The following NTM variants were observed in gnomAD, a reference collection of about 807,000 sequenced individuals.
The protein encoded by NTM is IgLON family member 2.
In NTM, 13 loss-of-function variants were observed where a neutral mutation model predicts 42.1. The observed-to-expected ratio is 0.31, with a 90% CI of 0.20 to 0.49. The LOEUF (loss-of-function observed/expected upper bound fraction) is 0.49. Among genes scored for constraint, NTM ranks in the 20% least tolerant of loss-of-function variants. The pLI is 0.99. For synonymous variants in NTM, 187 were observed against 179.2 expected (o/e 1.04, Z -0.35); for missense variants, 373 against 452.8 (o/e 0.82, Z 1.60).
intron 1 of NTM, among the ~76,000 whole-genome samples, chr11:131,587,492 A>T (rs538590606): frequency 6.6e-6 from 1 of 152,234 alleles, no homozygotes; most frequent in South Asian, 2.1e-4. Context: ...ACTCTTGACC[A>T]CAAATTATTC....
chr11:131,552,275 T>C (rs2054782140), intron 1 of NTM, among the ~76,000 whole-genome samples: 1 of 152,138 alleles, frequency 6.6e-6, no homozygotes, highest in East Asian at 1.9e-4. Context: ...CACGCACGGC[T>C]GGAGATGGTG....
intron 4 of NTM, among the ~76,000 whole-genome samples, chr11:132,240,604 G>A (rs372715083): frequency 1.1e-4 from 17 of 152,338 alleles, no homozygotes; most frequent in African/African-American, 1.7e-4. Flanking sequence ...GCAGCTGTTC[G>A]CTGGAGACTA....
chr11:131,786,693 T>C (rs1374207035), intron 1 of NTM, among the ~76,000 whole-genome samples: 1 of 152,204 alleles, frequency 6.6e-6, no homozygotes, highest in Admixed American at 6.5e-5. Flanking sequence ...AAAATAGAAC[T>C]AGAAAACATG....
chr11:131,549,617 G>A (rs543735299), intron 1 of NTM, among the ~76,000 whole-genome samples: 11 of 152,064 alleles, frequency 7.2e-5, no homozygotes, highest in Non-Finnish European at 1.2e-4. Context: ...GAACTAGCCC[G>A]CCCAAGCCAC....
chr11:132,072,895 T>G (rs2057886729), intron 2 of NTM, among the ~76,000 whole-genome samples: 1 of 152,160 alleles, frequency 6.6e-6, no homozygotes, highest in Admixed American at 6.5e-5. Context: ...ATAGGGGTTT[T>G]CTCCTGGGAA....
intron 1 of NTM, among the ~76,000 whole-genome samples, chr11:131,805,070 G>A (rs2092402481): frequency 6.6e-6 from 1 of 152,120 alleles, no homozygotes; most frequent in South Asian, 2.1e-4. Flanking sequence ...ATCACTCTCA[G>A]GCATTTTGTT....
intron 1 of NTM, among the ~76,000 whole-genome samples, chr11:131,619,002 G>C (rs1244984848): frequency 2.0e-5 from 3 of 152,186 alleles, no homozygotes; most frequent in Admixed American, 6.5e-5. Context: ...AATATGATGA[G>C]AATGGAAGAA....
chr11:131,490,810 G>A (rs1565557646), intron 1 of NTM, among the ~76,000 whole-genome samples: 2 of 152,212 alleles, frequency 1.3e-5, no homozygotes, highest in South Asian at 2.1e-4. Context: ...ATGGCAAAAA[G>A]CATTTTTGGG....
intron 1 of NTM, among the ~76,000 whole-genome samples, chr11:131,517,533 G>T (rs1170421225): frequency 6.6e-6 from 1 of 152,158 alleles, no homozygotes; most frequent in Admixed American, 6.5e-5. Flanking sequence ...GTCAAATCCT[G>T]TGTCTCAGAT....
At chr11:131,566,764 T>C (rs1030814278) in intron 1 of NTM, among the ~76,000 whole-genome samples, 1 of 152,176 alleles carries the variant, frequency 6.6e-6, no homozygotes, top group Non-Finnish European at 1.5e-5. Flanking sequence ...GTATTTTTAT[T>C]AAGCTGTAAG....
intron 1 of NTM, chr11:131,582,353 G>GCCCT: frequency 6.6e-6 from 1 of 152,292 alleles, no homozygotes; most frequent in South Asian, 2.1e-4. Flanking sequence ...CGTCAGCTGG[G>GCCCT]CCCTCCCCCT....
chr11:132,250,502 A>T (rs1038621375), intron 4 of NTM, among the ~76,000 whole-genome samples: 3 of 148,766 alleles, frequency 2.0e-5, no homozygotes, highest in African/African-American at 7.5e-5. Flanking sequence ...TCCTTTTGGG[A>T]CTCCTCACTA....
chr11:132,154,145 G>A (rs749999603), intron 3 of NTM, among the ~76,000 whole-genome samples: 24 of 152,156 alleles, frequency 1.6e-4, no homozygotes, highest in Non-Finnish European at 3.1e-4. Flanking sequence ...TAGAAAGGTA[G>A]GCTGCATCTC....
At chr11:131,786,600 T>C (rs1220118370) in intron 1 of NTM, among the ~76,000 whole-genome samples, 1 of 152,142 alleles carries the variant, frequency 6.6e-6, no homozygotes, top group Non-Finnish European at 1.5e-5. Context: ...TTTAAAATAG[T>C]AAAACCCAGT....
In NTM at chr11:131,432,839, C is replaced by CATTTTTTTTTTTTTTTTT. The variant is rs1565494793; in HGVS notation, c.82+61951_82+61952insATTTTTTTTTTTTTTTTT. Among the ~76,000 whole-genome samples the CATTTTTTTTTTTTTTTTT allele has an allele frequency of 2.2e-4, 15 of 68,688 alleles. 1 individual carries two copies. Among genetic ancestry groups the CATTTTTTTTTTTTTTTTT allele is most frequent in the Non-Finnish European group, 3.3e-4 (13 of 38,808 alleles). 45.1% of individuals were successfully genotyped at this position (68,688 alleles called of 152,430 possible). A position where few individuals can be genotyped will look rare whatever the true frequency, so the allele number is the denominator to read the frequency against. ...CTACAAAAGATGAAGATTTAGCATT[C>CATTTTTTTTTTTTTTTTT]TTTTTTTTTTTTTTTTTTTTTTTTT... On this transcript the variant is annotated intron_variant, in intron 1 of 8. Transcript: ENST00000683400.
intron 2 of NTM, among the ~76,000 whole-genome samples, chr11:132,029,882 C>T (rs373274784): frequency 2.6e-5 from 4 of 152,214 alleles, no homozygotes; most frequent in South Asian, 2.1e-4. Context: ...TACCAGTCCT[C>T]GTGTTTACAT....
At chr11:131,594,007 A>G (rs1437236250) in intron 1 of NTM, among the ~76,000 whole-genome samples, 1 of 152,210 alleles carries the variant, frequency 6.6e-6, no homozygotes, top group Non-Finnish European at 1.5e-5. Context: ...TGCTGCCCAG[A>G]GATTGCTAAA....
At chr11:131,818,898 C>A (rs1167704719) in intron 1 of NTM, among the ~76,000 whole-genome samples, 7 of 152,144 alleles carry the variant, frequency 4.6e-5, no homozygotes, top group South Asian at 4.1e-4. Context: ...AACTCAGTAC[C>A]ATTTATGCTG....
At chr11:131,992,146 C>A (rs2067138544) in intron 2 of NTM, among the ~76,000 whole-genome samples, 1 of 152,114 alleles carries the variant, frequency 6.6e-6, no homozygotes, top group South Asian at 2.1e-4. Flanking sequence ...CTTCCTCCAC[C>A]CCCTCAAACT....
Sources: allele counts gnomAD v4.1 joint callset (sites outside exome capture counted in the v4.1 genomes callset), GRCh38; gene constraint gnomAD v4.1.1; transcripts MANE v1.5; gene names NCBI Gene and HGNC (gene_info 2026-07-23, HGNC 2026-07-21).